The following TBC1D22B variants were observed in gnomAD, a reference collection of about 807,000 sequenced individuals.
TBC1D22B encodes TBC1 domain family member 22B, also known as chromosome 6 open reading frame 197.
TBC1D22B carries 32 observed loss-of-function variants against 69.1 expected under a neutral mutation model. That is an observed-to-expected ratio of 0.46 (90% CI 0.35 to 0.62). The LOEUF (loss-of-function observed/expected upper bound fraction) is 0.62, where lower values mean the gene tolerates loss of function less well. Ranked by LOEUF, TBC1D22B falls within the 20% of genes least tolerant of loss-of-function variation. The pLI is 0.00. For missense variants in TBC1D22B, 462 were observed against 630.9 expected, an observed-to-expected ratio of 0.73 and a Z score of 2.87; for synonymous variants, 206 against 229.8, an observed-to-expected ratio of 0.90 and a Z score of 0.94.
intron 12 of TBC1D22B, among the ~76,000 whole-genome samples, chr6:37,327,551 A>G (rs1057151722): frequency 6.6e-6 from 1 of 152,084 alleles, no homozygotes; most frequent in African/African-American, 2.4e-5. Flanking sequence ...CAAAACAAAC[A>G]AAAAAAGCTT....
chr6:37,286,633 T>TAA lies in TBC1D22B; in HGVS notation c.802-366_802-365dup, dbSNP rs75700208. ...CCCAGCCAGATGATTCCCATTTCTTTAAAAAAAAATTGTCAAAAGAACAAA... is the reference window on the plus strand; with the variant it reads ...CCCAGCCAGATGATTCCCATTTCTTTAAAAAAAAAAATTGTCAAAAGAACAAA... On this transcript the variant is annotated intron_variant, in intron 6 of 12. Coordinates refer to ENST00000373491, the MANE Select transcript of TBC1D22B (RefSeq NM_017772.4). Among the ~76,000 whole-genome samples the TAA allele has an allele frequency of 6.7e-4, 100 of 150,370 alleles. 1 individual carries two copies. Among genetic ancestry groups the TAA allele is most frequent in the African/African-American group, 2.1e-3 (84 of 40,950 alleles).
intron 12 of TBC1D22B, among the ~76,000 whole-genome samples, chr6:37,321,389 C>T (rs750185658): frequency 2.0e-5 from 3 of 152,204 alleles, no homozygotes; most frequent in East Asian, 1.9e-4. Flanking sequence ...CCACCTCCCT[C>T]AAGATTTCTT....
chr6:37,272,893 G>A (rs1766538738), intron 2 of TBC1D22B, among the ~76,000 whole-genome samples: 1 of 152,134 alleles, frequency 6.6e-6, no homozygotes, highest in Non-Finnish European at 1.5e-5. Context: ...TTCAGATATT[G>A]AGTAAGCAAC....
intron 8 of TBC1D22B, among the ~76,000 whole-genome samples, chr6:37,305,830 AT>A (rs1436137102): frequency 7.2e-5 from 11 of 152,120 alleles, no homozygotes; most frequent in Non-Finnish European, 1.5e-4. Flanking sequence ...AGTTTTGCCT[AT>A]TTCTAAGCTT....
rs570818213 is a variant in TBC1D22B at position 37,327,274 on chromosome 6, C to G, written c.1390-3770C>G. On this transcript the variant is annotated intron_variant, in intron 12 of 12. Transcript: ENST00000373491. ...CGGGCGGATCACGAGGTCAGGAGAT[C>G]GAGACCATCCTGGCTAACACGGTGA... 5.4e-4 allele frequency among the ~76,000 whole-genome samples: 53 copies of G among 98,914 alleles called. 7 individuals carry two copies. Among genetic ancestry groups the G allele is most frequent in the Middle Eastern group, 4.7e-3 (1 of 214 alleles). 64.9% of individuals were successfully genotyped at this position (98,914 alleles called of 152,430 possible).
chr6:37,326,352 T>TG (rs1418412766), intron 12 of TBC1D22B, among the ~76,000 whole-genome samples: 1 of 133,338 alleles, frequency 7.5e-6, no homozygotes, highest in Non-Finnish European at 1.5e-5. Flanking sequence ...CACTCCAGCC[T>TG]GGTGACAGAG....
intron 8 of TBC1D22B, among the ~76,000 whole-genome samples, chr6:37,311,970 T>G (rs1767927645): frequency 6.6e-6 from 1 of 152,246 alleles, no homozygotes; most frequent in Non-Finnish European, 1.5e-5. Flanking sequence ...ACACATCACA[T>G]AGCCTTTTCC....
rs904501776 is a variant in TBC1D22B at position 37,298,647 on chromosome 6, G to A, written c.982+7290G>A. On this transcript the variant is annotated intron_variant, in intron 8 of 12. Transcript: ENST00000373491. Reference sequence around the variant, plus strand: ...TGCAAGCTCCGCCTCCCGGGTTCACGCCATTCTCTTGCCTCAGCCTCCCGA... The same window carrying A: ...TGCAAGCTCCGCCTCCCGGGTTCACACCATTCTCTTGCCTCAGCCTCCCGA... 2.8e-5 allele frequency among the ~76,000 whole-genome samples: 4 copies of A among 141,636 alleles called. No homozygotes were observed. In the East Asian group the frequency reaches 7.0e-4, roughly 25 times the overall value. 92.9% of individuals were successfully genotyped at this position (141,636 alleles called of 152,430 possible).
In TBC1D22B at chr6:37,257,839, C is replaced by T. The variant is rs1386930601; in HGVS notation, c.-79C>T. The stretch of plus-strand genomic sequence containing the variant: ...GCGGCGGGGAAGCGGCCTGGGTTGG[C>T]CCTCAGATTGCGGGGTCTGGGGGCA... On this transcript the variant is annotated 5_prime_UTR_variant, in exon 1 of 13. Coordinates refer to ENST00000373491, the MANE Select transcript of TBC1D22B (RefSeq NM_017772.4). The T allele has an allele frequency of 1.9e-5, 29 of 1,519,116 alleles. No homozygotes were observed. In the East Asian group the frequency reaches 5.2e-4, roughly 27 times the overall value. 94.1% of individuals were successfully genotyped at this position (1,519,116 alleles called of 1,614,324 possible). A position where few individuals can be genotyped will look rare whatever the true frequency, so the allele number is the denominator to read the frequency against.
At chr6:37,310,976 A>G (rs985713890) in intron 8 of TBC1D22B, among the ~76,000 whole-genome samples, 3 of 152,246 alleles carry the variant, frequency 2.0e-5, no homozygotes, top group Non-Finnish European at 2.9e-5. Context: ...CTGTGCTTAT[A>G]TAAACACATA....
At chr6:37,308,268 C>T (rs535359743) in intron 8 of TBC1D22B, among the ~76,000 whole-genome samples, 1 of 152,312 alleles carries the variant, frequency 6.6e-6, no homozygotes, top group South Asian at 2.1e-4. Context: ...GGCATGGTTT[C>T]CCATTTCAGC....
chr6:37,271,849 C>CTTTTTTTT (rs35838317), intron 2 of TBC1D22B, among the ~76,000 whole-genome samples: 5 of 120,920 alleles, frequency 4.1e-5, no homozygotes, highest in African/African-American at 9.3e-5. Flanking sequence ...AAGGTGCATG[C>CTTTTTTTT]TTTTTTTTTT....
At chr6:37,267,490 A>AATATATATACACTATATATAATAT (rs1766338556) in intron 1 of TBC1D22B, among the ~76,000 whole-genome samples, 29 of 9,600 alleles carry the variant, frequency 3.0e-3, no homozygotes, top group Admixed American at 8.1e-3. Context: ...CACTATATAT[A>AATATATATACACTATATATAATAT]ATATATATAC....
chr6:37,267,365 TA>T lies in TBC1D22B; in HGVS notation c.57-2228del, dbSNP rs1766320372. ...AATATATATATACACACATATATAATATATATACACACATATATAATATATA... is the reference window on the plus strand; with the variant it reads ...AATATATATATACACACATATATAATTATATACACACATATATAATATATA... On this transcript the variant is annotated intron_variant, in intron 1 of 12. Transcript: ENST00000373491. Among the ~76,000 whole-genome samples, 5 of 84,456 alleles carry T rather than the reference TA, an allele frequency of 5.9e-5. No individual in the cohort carries two copies. In the Admixed American group the frequency reaches 6.5e-4, roughly 11 times the overall value. The allele number at this position is 84,456 out of a possible 152,430, so 55.4% of individuals were successfully genotyped here. A position where few individuals can be genotyped will look rare whatever the true frequency, so the allele number is the denominator to read the frequency against.
Position 37,286,196 on chromosome 6 carries a change from A to T in TBC1D22B, c.802-811A>T, listed in dbSNP as rs144603424. Among the ~76,000 whole-genome samples the T allele has an allele frequency of 5.5e-4, 84 of 152,344 alleles. 1 individual carries two copies. The East Asian group carries it at 0.011, about 21-fold the overall frequency. ...TTTTGGGAGGTTTCCTCACTGTTTA[A>T]TAAGCTATTGTTGTCATGGAAACAT... On this transcript the variant is annotated intron_variant, in intron 6 of 12. Coordinates refer to ENST00000373491, the MANE Select transcript of TBC1D22B (RefSeq NM_017772.4).
rs1309044870 is a variant in TBC1D22B, at chr6:37,313,861, G to T, written c.1135G>T (p.Ala379Ser). The change falls in exon 10 of 13, where the codon GCA (alanine) becomes TCA (serine). Residue 379 changes from alanine to serine, a missense_variant. Around this residue, in one of 2 missense-constraint regions of TBC1D22B, gnomAD observed 225 missense variants for 375.4 expected, o/e 0.60. Coordinates refer to ENST00000373491, the MANE Select transcript of TBC1D22B (RefSeq NM_017772.4). Reference sequence around the variant, plus strand: ...ACCAGGAATCCAGAAGAAGGTGAAGGCACTGGAAGAGCTTGTCAGCCGGAT... The same window carrying T: ...ACCAGGAATCCAGAAGAAGGTGAAGTCACTGGAAGAGCTTGTCAGCCGGAT... ...AQPGIQKKVK[A>S]LEELVSRIDE... 6 of 1,614,060 alleles carry T rather than the reference G, an allele frequency of 3.7e-6. No homozygotes were observed. Among genetic ancestry groups the T allele is most frequent in the African/African-American group, 1.3e-5 (1 of 74,912 alleles).
At chr6:37,293,084 A>ATTAT (rs1554185112) in intron 8 of TBC1D22B, among the ~76,000 whole-genome samples, 3 of 143,452 alleles carry the variant, frequency 2.1e-5, no homozygotes, top group African/African-American at 7.9e-5. Context: ...TATTATTATT[A>ATTAT]TTTTTTTTTT....
chr6:37,291,607 T>C (rs1202490304), intron 8 of TBC1D22B, among the ~76,000 whole-genome samples: 1 of 152,140 alleles, frequency 6.6e-6, no homozygotes, highest in Non-Finnish European at 1.5e-5. Context: ...TGTTTTGTGG[T>C]TTGATGGTTT....
intron 1 of TBC1D22B, among the ~76,000 whole-genome samples, chr6:37,264,390 G>C (rs987456685): frequency 6.6e-6 from 1 of 152,120 alleles, no homozygotes; most frequent in African/African-American, 2.4e-5. Context: ...TCGGCTCACC[G>C]CAACCTCTGC....
Sources: allele counts gnomAD v4.1 joint callset (sites outside exome capture counted in the v4.1 genomes callset), GRCh38; gene constraint gnomAD v4.1.1; regional missense constraint gnomAD v4.1.1; transcripts MANE v1.5; gene names NCBI Gene and HGNC (gene_info 2026-07-23, HGNC 2026-07-21).